Variants in PADI2 observed in about 807,000 individuals in gnomAD.
PADI2 encodes peptidyl arginine deiminase 2.
A neutral mutation model predicts 81.1 loss-of-function variants in PADI2; 70 were observed. That is an observed-to-expected ratio of 0.86 (90% CI 0.71 to 1.05). The LOEUF (loss-of-function observed/expected upper bound fraction) is 1.05. Among genes scored for constraint, PADI2 ranks in the 50% least tolerant of loss-of-function variants. The pLI, the probability that PADI2 is intolerant of heterozygous loss-of-function variation, is 0.00. For synonymous variants in PADI2, 338 were observed against 358.0 expected (o/e 0.94, Z 0.63); for missense variants, 853 against 889.9 (o/e 0.96, Z 0.53).
chr1:17,099,796 TTGTAAACACCA>T (rs1475807057), intron 3 of PADI2, among the ~76,000 whole-genome samples: 2 of 152,164 alleles, frequency 1.3e-5, no homozygotes, highest in Non-Finnish European at 2.9e-5. Flanking sequence ...CACTGAATCC[TTGTAAACACCA>T]TGCAAGGCTG....
chr1:17,086,959 C>G (rs972580900), intron 6 of PADI2, among the ~76,000 whole-genome samples: 2 of 152,178 alleles, frequency 1.3e-5, no homozygotes, highest in Admixed American at 1.3e-4. Flanking sequence ...TAAGCAAGCT[C>G]TCTCGTGAAC....
At chr1:17,089,777 C>T (rs1930616093) in intron 6 of PADI2, among the ~76,000 whole-genome samples, 2 of 152,218 alleles carry the variant, frequency 1.3e-5, no homozygotes, top group Non-Finnish European at 2.9e-5. Context: ...TCTGCAGGAA[C>T]CAACAATGCC....
At chr1:17,104,451 T>TTTTTTTTTTTC (rs1161832659) in intron 2 of PADI2, among the ~76,000 whole-genome samples, 1 of 123,754 alleles carries the variant, frequency 8.1e-6, no homozygotes. Flanking sequence ...TTTTTTTTTT[T>TTTTTTTTTTTC]TGAGACGGAG....
At chr1:17,118,294 C>T (rs548332586) in intron 1 of PADI2, among the ~76,000 whole-genome samples, 1 of 152,266 alleles carries the variant, frequency 6.6e-6, no homozygotes, top group Non-Finnish European at 1.5e-5. Flanking sequence ...CAGAGTCCTG[C>T]ATGCTCCCTG....
rs146857280 is a variant in PADI2 at position 17,092,807 on chromosome 1, C to T, written c.530-274G>A. 2.5e-3 allele frequency among the ~76,000 whole-genome samples: 371 copies of T among 151,408 alleles called. 2 individuals carry two copies. The highest frequency in any genetic ancestry group is 8.7e-3 in the African/African-American group (361 of 41,284). On this transcript the variant is annotated intron_variant, in intron 5 of 15. Coordinates refer to ENST00000375486, the MANE Select transcript of PADI2 (RefSeq NM_007365.3). Reference sequence around the variant, plus strand: ...TTACAAAAATAAAAAAAATTAGCCACGCATGGTGGCATGTGCCTGTAATCC... The same window carrying T: ...TTACAAAAATAAAAAAAATTAGCCATGCATGGTGGCATGTGCCTGTAATCC...
At chr1:17,104,437 T>TTTTTC (rs1931274380) in intron 2 of PADI2, among the ~76,000 whole-genome samples, 3 of 76,052 alleles carry the variant, frequency 3.9e-5, no homozygotes, top group Admixed American at 1.3e-4. Context: ...TTTTCTTTTT[T>TTTTTC]TTTTTTTTTT....
At chr1:17,093,324 C>T (rs1022040596) in intron 5 of PADI2, among the ~76,000 whole-genome samples, 1 of 152,080 alleles carries the variant, frequency 6.6e-6, no homozygotes, top group South Asian at 2.1e-4. Flanking sequence ...TTGAACTCCT[C>T]ACCTCATGAT....
At chr1:17,087,725 G>A (rs934083938) in intron 6 of PADI2, among the ~76,000 whole-genome samples, 19 of 152,004 alleles carry the variant, frequency 1.2e-4, no homozygotes, top group Admixed American at 6.6e-5. Flanking sequence ...GGCTGGTCTC[G>A]AACTCCTTGC....
intron 2 of PADI2, among the ~76,000 whole-genome samples, chr1:17,104,424 G>GCCTTT (rs1931269666): frequency 8.7e-6 from 1 of 115,280 alleles, no homozygotes; most frequent in Non-Finnish European, 1.8e-5. Context: ...GTTTCTTTTT[G>GCCTTT]CCTTTTCTTT....
intron 14 of PADI2, 30 bp from the exon 15 acceptor site, chr1:17,070,246 A>AG: frequency 6.2e-7 from 1 of 1,611,504 alleles, no homozygotes. Flanking sequence ...GAGGGCATGC[A>AG]GGTGAGGGGG....
rs534064270 is a variant in PADI2 at position 17,067,179 on chromosome 1, G to C, written c.*1865C>G. On this transcript the variant is annotated 3_prime_UTR_variant, in exon 16 of 16. Transcript: ENST00000375486. ...GACACACTGTCTGCACATGGGAGGC[G>C]CTCACTTCCCCCTAATGTAGACTAA... 3 of 143,898 alleles carry C rather than the reference G, an allele frequency of 2.1e-5. 1 individual carries two copies. The highest frequency in any genetic ancestry group is 7.8e-5 in the African/African-American group (3 of 38,344). 8.9% of individuals were successfully genotyped at this position (143,898 alleles called of 1,614,324 possible).
Position 17,113,663 on chromosome 1 carries a change from T to C in PADI2, c.92+5617A>G, listed in dbSNP as rs554456980. Among the ~76,000 whole-genome samples, 6 of 152,272 alleles carry C rather than the reference T, an allele frequency of 3.9e-5. 1 individual carries two copies. The highest frequency in any genetic ancestry group is 3.4e-3 in the Middle Eastern group (1 of 294). On this transcript the variant is annotated intron_variant, in intron 1 of 15. Coordinates refer to ENST00000375486, the MANE Select transcript of PADI2 (RefSeq NM_007365.3). Reference sequence around the variant, plus strand: ...GGACCAAATGAGAGCCCCTTACTTATTTCACAGGTGGGAGTCTGAGACACA... The same window carrying C: ...GGACCAAATGAGAGCCCCTTACTTACTTCACAGGTGGGAGTCTGAGACACA...
intron 2 of PADI2, among the ~76,000 whole-genome samples, chr1:17,104,441 T>TTTTC (rs1295144822): frequency 1.2e-5 from 1 of 83,606 alleles, no homozygotes; most frequent in African/African-American, 4.6e-5. Flanking sequence ...CTTTTTTTTT[T>TTTTC]TTTTTTTTTT....
intron 7 of PADI2, among the ~76,000 whole-genome samples, chr1:17,086,300 G>A (rs932510749): frequency 3.3e-5 from 5 of 152,184 alleles, no homozygotes; most frequent in African/African-American, 1.2e-4. Flanking sequence ...GGGAATCCGT[G>A]GGGAGCAGAA....
intron 3 of PADI2, among the ~76,000 whole-genome samples, chr1:17,100,598 A>T (rs1931107620): frequency 6.7e-6 from 1 of 149,064 alleles, no homozygotes; most frequent in Non-Finnish European, 1.5e-5. Flanking sequence ...ACTGTCTTTT[A>T]TTCTGAGATT....
At chr1:17,094,058 C>T (rs1930813101) in intron 4 of PADI2, among the ~76,000 whole-genome samples, 1 of 152,140 alleles carries the variant, frequency 6.6e-6, no homozygotes, top group African/African-American at 2.4e-5. Flanking sequence ...TGGATGGATG[C>T]CACCCAGCTG....
At chr1:17,114,483 C>T (rs774718103) in intron 1 of PADI2, among the ~76,000 whole-genome samples, 5 of 151,998 alleles carry the variant, frequency 3.3e-5, no homozygotes, top group African/African-American at 1.2e-4. Context: ...TCCCCAGCTG[C>T]GAAAAGGGGA....
intron 1 of PADI2, among the ~76,000 whole-genome samples, chr1:17,109,686 G>T (rs973179624): frequency 3.9e-5 from 6 of 151,988 alleles, no homozygotes; most frequent in Non-Finnish European, 7.4e-5. Flanking sequence ...AGATGGGGTT[G>T]CACTGTGTTG....
In PADI2 at chr1:17,075,706, C is replaced by A; in HGVS notation, c.1428G>T (p.Met476Ile). The A allele has an allele frequency of 6.2e-7, 1 of 1,613,878 alleles. No individual in the cohort carries two copies. Among genetic ancestry groups the A allele is most frequent in the Non-Finnish European group, 8.5e-7 (1 of 1,179,904 alleles). ...TTGTGCCGGGGATGGGGACAAAGGACATGAACTCATCCACGTGGCCCACAG... is the reference window on the plus strand; with the variant it reads ...TTGTGCCGGGGATGGGGACAAAGGAAATGAACTCATCCACGTGGCCCACAG... Reference protein sequence around the residue: ...WLTVGHVDEFMSFVPIPGTKK... With the variant: ...WLTVGHVDEFISFVPIPGTKK... Residue 476 changes from methionine to isoleucine, a missense_variant, in exon 12 of 16, where the codon ATG (methionine) becomes ATT (isoleucine). Transcript: ENST00000375486.
Sources: gnomAD v4.1 joint callset for allele counts (sites outside exome capture counted in the v4.1 genomes callset) on GRCh38, gnomAD v4.1.1 for gene constraint, MANE v1.5 for transcripts, NCBI Gene and HGNC (gene_info 2026-07-23, HGNC 2026-07-21) for gene names.